COL9A2: variants seen among roughly 807,000 people sequenced by gnomAD.
COL9A2 encodes collagen alpha-2(IX) chain.
In COL9A2, 66 loss-of-function variants were observed where a neutral mutation model predicts 111.6. That is an observed-to-expected ratio of 0.59 (90% CI 0.48 to 0.73). COL9A2 has a LOEUF of 0.73. COL9A2 is among the 30% of genes least tolerant of loss of function. COL9A2 has a pLI of 0.00. For missense variants in COL9A2, 881 were observed against 954.1 expected (o/e 0.92, Z 1.01); for synonymous variants, 353 against 364.1 (o/e 0.97, Z 0.35).
At chr1:40,305,298 A>G (rs2235987) in intron 21 of COL9A2, among the ~76,000 whole-genome samples, 23,126 of 151,554 alleles carry the variant, frequency 0.15, 2,966 homozygotes, top group African/African-American at 0.34. Context: ...CTCGTGATCC[A>G]CCCGCCTCAG....
chr1:40,312,121 CAG>C lies in COL9A2; in HGVS notation c.364-11_364-10del, dbSNP rs773135476. The C allele has an allele frequency of 6.3e-6, 10 of 1,598,968 alleles. No individual in the cohort carries two copies. Among genetic ancestry groups the C allele is most frequent in the South Asian group, 1.1e-5 (1 of 87,696 alleles). ...ACAGGTCCAGGAGGCCCCTGGGGAG[CAG>C]AGAGTTGATGGTCAGGATGCCTCAG... On this transcript the variant is annotated splice_polypyrimidine_tract_variant and intron_variant, in intron 7 of 31. Transcript: ENST00000372748. This position sits in a 1 kb window ranked among gnomAD's most constrained non-coding sequence, Gnocchi z 6.0.
chr1:40,315,640 G>A lies in COL9A2; in HGVS notation c.100C>T (p.Pro34Ser). 6.4e-7 allele frequency: 1 copy of A among 1,554,154 alleles called. No homozygotes were observed. The highest frequency in any genetic ancestry group is 8.7e-7 in the Non-Finnish European group (1 of 1,147,926). Reference sequence around the variant, plus strand: ...CCCGGCGGTCCCGGGGGACCCGGGGGGCCCCGCTCTCCCGGTGGACCTCTC... The same window carrying A: ...CCCGGCGGTCCCGGGGGACCCGGGGAGCCCCGCTCTCCCGGTGGACCTCTC... ...QIRGPPGERG[P>S]PGPPGPPGVP... Residue 34 changes from proline to serine, a missense_variant, in exon 2 of 32, where the codon CCC (proline) becomes TCC (serine). By Grantham distance (74) the Pro-to-Ser change is moderately conservative. Transcript: ENST00000372748.
rs1239526286 is a variant in COL9A2, at chr1:40,301,183, C to T, written c.2069G>A (p.Ter690=). Reference sequence around the variant, plus strand: ...CCAGGCTCTGTCTGGGCCTGATGCTCAAGGCCCCTTGATGGATCCAGGCTC... The same window carrying T: ...CCAGGCTCTGTCTGGGCCTGATGCTTAAGGCCCCTTGATGGATCCAGGCTC... ...LTEPGSIKGP[*] is the part of the protein sequence containing the mutation. Residue 690 remains the stop codon, a stop_retained_variant, in exon 32 of 32, where the codon TGA becomes TAA. Coordinates refer to ENST00000372748, the MANE Select transcript of COL9A2 (RefSeq NM_001852.4). 8 of 1,613,208 alleles carry T rather than the reference C, an allele frequency of 5.0e-6. No homozygotes were observed. Among genetic ancestry groups the T allele is most frequent in the African/African-American group, 1.3e-5 (1 of 75,042 alleles).
Position 40,302,624 on chromosome 1 carries a change from T to C in COL9A2, c.1789A>G (p.Lys597Glu), listed in dbSNP as rs1459424847. Residue 597 changes from lysine (K) to glutamate (E), a missense_variant, in exon 30 of 32, where the codon AAG (lysine) becomes GAG (glutamate). Coordinates refer to ENST00000372748, the MANE Select transcript of COL9A2 (RefSeq NM_001852.4). The surrounding 1 kb of genome is among the most constrained non-coding windows in gnomAD (Gnocchi z 4.5). The stretch of plus-strand genomic sequence containing the variant: ...CCCACCGCAGAGGAGCACTCACCCT[T>C]GGGCCCCGTGTTGCCGATCTGACCC... The part of the protein sequence containing the change: ...AVGQIGNTGP[K>E]GKRGEKGDPG... 5 of 1,599,432 alleles carry C rather than the reference T, an allele frequency of 3.1e-6. No homozygotes were observed. The highest frequency in any genetic ancestry group is 4.3e-6 in the Non-Finnish European group (5 of 1,175,036).
chr1:40,310,088 T>A lies in COL9A2; in HGVS notation c.792+23A>T. The A allele has an allele frequency of 6.2e-7, 1 of 1,613,670 alleles. No homozygotes were observed. Among genetic ancestry groups the A allele is most frequent in the East Asian group, 2.2e-5 (1 of 44,848 alleles). On this transcript the variant is annotated intron_variant, in intron 15 of 31. Transcript: ENST00000372748. This position sits in a 1 kb window ranked among gnomAD's most constrained non-coding sequence, Gnocchi z 4.9. ...GCTGTAGGAGCTCCAGCCTCAGGGG[T>A]AGGGGAGCAAAAAGAGGCTTACCGG...
Position 40,314,059 on chromosome 1 carries a change from G to A in COL9A2, c.249+146C>T, listed in dbSNP as rs1047678337. 1.4e-5 allele frequency: 13 copies of A among 925,658 alleles called. No individual in the cohort carries two copies. The highest frequency in any genetic ancestry group is 3.2e-4 in the Middle Eastern group (1 of 3,108). 57.3% of individuals were successfully genotyped at this position (925,658 alleles called of 1,614,324 possible). ...GAGTGAGGTTCCAGGAAGGTCACAA[G>A]TCATATCAAGGTGAGGGGGGCTCAC... On this transcript the variant is annotated intron_variant, in intron 4 of 31. Transcript: ENST00000372748. The surrounding 1 kb of genome is among the most constrained non-coding windows in gnomAD (Gnocchi z 4.1).
chr1:40,304,710 G>T (rs1304749994), intron 22 of COL9A2, 84 bp downstream of exon 22: 2 of 1,432,828 alleles, frequency 1.4e-6, no homozygotes, highest in Non-Finnish European at 9.6e-7. Context: ...GGCATCTCAC[G>T]GGCTGCACGG....
At chr1:40,305,562 A>G (rs1644015295) in intron 21 of COL9A2, among the ~76,000 whole-genome samples, 153 bp downstream of exon 21, 1 of 152,192 alleles carries the variant, frequency 6.6e-6, no homozygotes, top group South Asian at 2.1e-4. Context: ...TGCAATGTAC[A>G]TAGGGAAACA....
rs774289715 is a variant in COL9A2 at position 40,301,145 on chromosome 1, G to A, written c.*37C>T. ...ACCCAGAGGGGACCTGGTCCTTCCCGCCAGGATGCCTGCCAGGCTCTGTCT... is the reference window on the plus strand; with the variant it reads ...ACCCAGAGGGGACCTGGTCCTTCCCACCAGGATGCCTGCCAGGCTCTGTCT... On this transcript the variant is annotated 3_prime_UTR_variant, in exon 32 of 32. Coordinates refer to ENST00000372748, the MANE Select transcript of COL9A2 (RefSeq NM_001852.4). 23 of 1,608,544 alleles carry A rather than the reference G, an allele frequency of 1.4e-5. No individual in the cohort carries two copies. Among genetic ancestry groups the A allele is most frequent in the East Asian group, 6.7e-5 (3 of 44,834 alleles).
chr1:40,313,026 T>A (rs1458471749), intron 4 of COL9A2, among the ~76,000 whole-genome samples: 1 of 152,236 alleles, frequency 6.6e-6, no homozygotes, highest in Non-Finnish European at 1.5e-5. Flanking sequence ...GATTTGGCTT[T>A]ATGCCAGACC....
In COL9A2 at chr1:40,310,973, C is replaced by A; in HGVS notation, c.630+120G>T. ...ACCTGGAGCACAGGCCTCCAGCCCC[C>A]GGCTCAAGGCTCTGTCCCCAGAACC... On this transcript the variant is annotated intron_variant, in intron 12 of 31. Coordinates refer to ENST00000372748, the MANE Select transcript of COL9A2 (RefSeq NM_001852.4). The surrounding 1 kb of genome is among the most constrained non-coding windows in gnomAD (Gnocchi z 4.9). The A allele has an allele frequency of 7.3e-7, 1 of 1,378,150 alleles. No individual in the cohort carries two copies. The highest frequency in any genetic ancestry group is 1.2e-5 in the South Asian group (1 of 84,946). 85.4% of individuals were successfully genotyped at this position (1,378,150 alleles called of 1,614,324 possible).
Position 40,302,821 on chromosome 1 carries a change from G to C in COL9A2, c.1604-12C>G. ...CTCTGCCAGTTGCTCTGGAGGGAGG[G>C]AGGGAGGGAGGGAGAGGGAAGTCTA... On this transcript the variant is annotated splice_polypyrimidine_tract_variant and intron_variant, in intron 29 of 31. Coordinates refer to ENST00000372748, the MANE Select transcript of COL9A2 (RefSeq NM_001852.4). The surrounding 1 kb of genome is among the most constrained non-coding windows in gnomAD (Gnocchi z 4.5). The C allele has an allele frequency of 7.9e-7, 1 of 1,266,222 alleles. No homozygotes were observed. Among genetic ancestry groups the C allele is most frequent in the Non-Finnish European group, 1.1e-6 (1 of 910,470 alleles). The allele number at this position is 1,266,222 out of a possible 1,614,324, so 78.4% of individuals were successfully genotyped here.
intron 4 of COL9A2, among the ~76,000 whole-genome samples, chr1:40,313,723 A>G (rs1313328703): frequency 6.6e-6 from 1 of 152,104 alleles, no homozygotes; most frequent in African/African-American, 2.4e-5. Flanking sequence ...TGTTGTCCTC[A>G]TGCCCCTGGG....
chr1:40,312,588 G>A lies in COL9A2; in HGVS notation c.325C>T (p.Pro109Ser), dbSNP rs1476635114. 2 of 1,613,974 alleles carry A rather than the reference G, an allele frequency of 1.2e-6. No individual in the cohort carries two copies. The highest frequency in any genetic ancestry group is 1.7e-6 in the Non-Finnish European group (2 of 1,179,984). Residue 109 changes from proline (P) to serine (S), a missense_variant, in exon 6 of 32, where the codon CCT becomes TCT. Transcript: ENST00000372748. The surrounding 1 kb of genome is among the most constrained non-coding windows in gnomAD (Gnocchi z 6.0). ...GTTGTACTCACCGGAAGGCCAGGAG[G>A]ACCAGGAAGCCCGGGCTGGCCCTGC... is the stretch of plus-strand genomic sequence containing the variant. ...GVKGQPGLPG[P>S]PGLPGPGFAG... is the part of the protein sequence containing the mutation.
chr1:40,312,734 G>T lies in COL9A2; in HGVS notation c.300C>A (p.Val100=). 6.4e-7 allele frequency: 1 copy of T among 1,554,920 alleles called. No homozygotes were observed. The highest frequency in any genetic ancestry group is 1.2e-5 in the South Asian group (1 of 84,546). Residue 100 remains valine, a synonymous_variant, in exon 5 of 32, where the codon GTC becomes GTA. Coordinates refer to ENST00000372748, the MANE Select transcript of COL9A2 (RefSeq NM_001852.4). This position sits in a 1 kb window ranked among gnomAD's most constrained non-coding sequence, Gnocchi z 6.0. ...GAGGCCCCAGCAGGCCCCTTACCTTGACTCCAGGGATCCCCATGGGGCCAG... is the reference window on the plus strand; with the variant it reads ...GAGGCCCCAGCAGGCCCCTTACCTTTACTCCAGGGATCCCCATGGGGCCAG... ...GEPGPMGIPG[V]KGQPGLPGPP...
At position 40,303,472 on chromosome 1, in the gene COL9A2, C is replaced by A. The variant is rs188913242; in HGVS notation, c.1548+58G>T. ...AATCCCTAGCCTTTGGCGGGTAAGCCGCACCCCAGAACAGATCTACCTAGA... is the reference window on the plus strand; with the variant it reads ...AATCCCTAGCCTTTGGCGGGTAAGCAGCACCCCAGAACAGATCTACCTAGA... On this transcript the variant is annotated intron_variant, in intron 28 of 31. Coordinates refer to ENST00000372748, the MANE Select transcript of COL9A2 (RefSeq NM_001852.4). This position sits in a 1 kb window ranked among gnomAD's most constrained non-coding sequence, Gnocchi z 4.6. 5.3e-5 allele frequency: 85 copies of A among 1,605,852 alleles called. No homozygotes were observed. The African/African-American group carries it at 1.0e-3, about 19-fold the overall frequency.
chr1:40,317,094 C>G lies in COL9A2; in HGVS notation c.75+29G>C, dbSNP rs1223139699. On this transcript the variant is annotated intron_variant, in intron 1 of 31. Transcript: ENST00000372748. The surrounding 1 kb of genome is among the most constrained non-coding windows in gnomAD (Gnocchi z 4.3). ...GGACTCCAGACCCCGCACCCTGGACCCTGGCAGCGGAGGGGCTGCGAAACT... is the reference window on the plus strand; with the variant it reads ...GGACTCCAGACCCCGCACCCTGGACGCTGGCAGCGGAGGGGCTGCGAAACT... The G allele has an allele frequency of 6.4e-7, 1 of 1,551,436 alleles. No homozygotes were observed. The highest frequency in any genetic ancestry group is 8.7e-7 in the Non-Finnish European group (1 of 1,146,316).
At chr1:40,313,234 T>A (rs2124097531) in intron 4 of COL9A2, among the ~76,000 whole-genome samples, 1 of 152,178 alleles carries the variant, frequency 6.6e-6, no homozygotes, top group Admixed American at 6.5e-5. Flanking sequence ...AGTGGCACAG[T>A]CTCAGCTCAC....
chr1:40,301,753 C>G, intron 31 of COL9A2, 59 bp downstream of exon 31: 1 of 1,532,242 alleles, frequency 6.5e-7, no homozygotes, highest in South Asian at 1.1e-5. Context: ...GCAGTGTCCA[C>G]ACGTCATTAA....
Sources: allele counts gnomAD v4.1 joint callset (sites outside exome capture counted in the v4.1 genomes callset), GRCh38; gene constraint gnomAD v4.1.1; non-coding constraint Gnocchi (gnomAD v3.1); transcripts MANE v1.5; gene names NCBI Gene and HGNC (gene_info 2026-07-23, HGNC 2026-07-21).